Variants in BRD10 observed in about 807,000 individuals in gnomAD.
BRD10 encodes uncharacterized bromodomain-containing protein 10.
At chr9:5,920,201 T>C in the BRD10 span, 1 of 1,612,366 alleles carries the variant, frequency 6.2e-7, no homozygotes, top group East Asian at 2.2e-5. Context: ...TGGTGTAGAT[T>C]GAATGCCTTG....
the BRD10 span, among the ~76,000 whole-genome samples, chr9:5,932,729 G>A: frequency 6.6e-6 from 1 of 152,050 alleles, no homozygotes; most frequent in South Asian, 2.1e-4. Context: ...CATTAGACTA[G>A]AATTCTACAC....
At chr9:5,980,029 GA>G in the BRD10 span, among the ~76,000 whole-genome samples, 2,242 of 119,838 alleles carry the variant, frequency 0.019, 26 homozygotes, top group Middle Eastern at 0.074. Context: ...AAAAAAAAAA[GA>G]AAAAAAAAAA....
chr9:5,977,543 C>T, the BRD10 span, among the ~76,000 whole-genome samples: 1 of 152,138 alleles, frequency 6.6e-6, no homozygotes, highest in African/African-American at 2.4e-5. Context: ...AAATTAAAAA[C>T]AGTATCTTAA....
the BRD10 span, among the ~76,000 whole-genome samples, chr9:5,957,450 G>A: frequency 4.6e-5 from 7 of 152,180 alleles, no homozygotes; most frequent in South Asian, 6.2e-4. Context: ...TAACAATACA[G>A]CCAAGTAGGT....
the BRD10 span, among the ~76,000 whole-genome samples, chr9:6,001,436 T>C: frequency 6.6e-6 from 1 of 152,200 alleles, no homozygotes; most frequent in Non-Finnish European, 1.5e-5. Context: ...TGCCACTACA[T>C]ATCCTCATCA....
chr9:5,971,824 G>A, the BRD10 span, among the ~76,000 whole-genome samples: 1 of 151,892 alleles, frequency 6.6e-6, no homozygotes, highest in Non-Finnish European at 1.5e-5. Flanking sequence ...CTCAGTAGAG[G>A]GGCATACTAG....
the BRD10 span, chr9:5,988,597 A>G: frequency 7.4e-7 from 1 of 1,347,386 alleles, no homozygotes; most frequent in Non-Finnish European, 1.1e-6. Flanking sequence ...GATAAGCAAT[A>G]AACCCCCTTA....
At chr9:5,990,432 C>T in the BRD10 span, among the ~76,000 whole-genome samples, 1 of 152,080 alleles carries the variant, frequency 6.6e-6, no homozygotes, top group Admixed American at 6.5e-5. Context: ...GTACACAGAA[C>T]ACTGGGGATA....
the BRD10 span, among the ~76,000 whole-genome samples, chr9:5,927,620 T>C: frequency 6.6e-6 from 1 of 152,212 alleles, no homozygotes; most frequent in Non-Finnish European, 1.5e-5. Flanking sequence ...ATGATCCTCA[T>C]GTTGCCAAAT....
the BRD10 span, chr9:5,913,807 TAAAAAG>T: frequency 9.0e-6 from 2 of 221,892 alleles, no homozygotes; most frequent in African/African-American, 2.4e-5. Flanking sequence ...CAAGGACTAT[TAAAAAG>T]AAAATCAAAT....
the BRD10 span, among the ~76,000 whole-genome samples, chr9:5,997,663 T>C: frequency 2.0e-5 from 3 of 152,166 alleles, no homozygotes; most frequent in East Asian, 1.9e-4. Context: ...AAAGTTGATG[T>C]TGCGACAACT....
chr9:5,919,160 A>G, the BRD10 span: 2 of 152,864 alleles, frequency 1.3e-5, no homozygotes, highest in Admixed American at 1.3e-4. Context: ...CTTTGTACAT[A>G]TATTTAGTAC....
the BRD10 span, among the ~76,000 whole-genome samples, chr9:5,983,768 C>A: frequency 6.6e-6 from 1 of 151,854 alleles, no homozygotes; most frequent in Non-Finnish European, 1.5e-5. Context: ...ATGCACATGA[C>A]AAATTGATGA....
At chr9:5,974,891 A>T in the BRD10 span, among the ~76,000 whole-genome samples, 4 of 152,188 alleles carry the variant, frequency 2.6e-5, no homozygotes, top group Non-Finnish European at 5.9e-5. Context: ...TTAGACCTGG[A>T]CTAGCGCTCA....
the BRD10 span, among the ~76,000 whole-genome samples, chr9:5,961,470 G>A: frequency 1.3e-5 from 2 of 151,208 alleles, no homozygotes; most frequent in African/African-American, 4.9e-5. Flanking sequence ...TTTGCTCTGA[G>A]TTTTTTTTTA....
chr9:5,944,577 T>C, the BRD10 span, among the ~76,000 whole-genome samples: 2 of 152,024 alleles, frequency 1.3e-5, no homozygotes, highest in East Asian at 3.8e-4. Flanking sequence ...AGGCAAACAT[T>C]ACCCAAAAAA....
chr9:5,984,662 AC>A, the BRD10 span, among the ~76,000 whole-genome samples: 1 of 152,196 alleles, frequency 6.6e-6, no homozygotes, highest in Non-Finnish European at 1.5e-5. Flanking sequence ...AGGTTACTGT[AC>A]TAAAGTTTGT....
the BRD10 span, chr9:5,969,052 A>G: frequency 1.2e-6 from 2 of 1,612,850 alleles, no homozygotes; most frequent in Non-Finnish European, 1.7e-6. Flanking sequence ...GTTTTTCAGC[A>G]CAGTTATCAG....
chr9:5,936,490 C>G, the BRD10 span, among the ~76,000 whole-genome samples: 4,588 of 152,274 alleles, frequency 0.03, 96 homozygotes, highest in South Asian at 0.05. Flanking sequence ...CCCATAAGGT[C>G]TTTCTATTTT....
Sources: allele counts gnomAD v4.1 joint callset (sites outside exome capture counted in the v4.1 genomes callset), GRCh38; gene constraint gnomAD v4.1.1; transcripts MANE v1.5; gene names NCBI Gene and HGNC (gene_info 2026-07-23, HGNC 2026-07-21).